Variants in SSH2 observed in about 807,000 individuals in gnomAD.
SSH2 encodes the protein slingshot protein phosphatase 2.
Under a neutral mutation model 135.2 loss-of-function variants are expected in SSH2, and 37 were observed. The observed-to-expected ratio is 0.27, with a 90% CI of 0.21 to 0.36. The LOEUF (loss-of-function observed/expected upper bound fraction) is 0.36, where lower values mean the gene tolerates loss of function less well. Among genes scored for constraint, SSH2 ranks in the 10% least tolerant of loss-of-function variants. SSH2 has a pLI of 1.00. For missense variants in SSH2, 1,408 were observed against 1,765.3 expected, an observed-to-expected ratio of 0.80 and a Z score of 3.63; for synonymous variants, 628 against 646.2, an observed-to-expected ratio of 0.97 and a Z score of 0.43.
rs187920729 is a variant in SSH2 at position 29,715,322 on chromosome 17, T to C, written c.189-12260A>G. Among the ~76,000 whole-genome samples the C allele has an allele frequency of 3.0e-3, 462 of 152,058 alleles. 3 individuals are homozygous for C. The Middle Eastern group carries it at 0.044, about 15-fold the overall frequency. ...GTGCAGTGGCGTGATCTTGGCTCAC[T>C]GCAAGCTCCGCCTTCCAGGTTCATG... is the stretch of plus-strand genomic sequence containing the variant. On this transcript the variant is annotated intron_variant, in intron 3 of 15. Transcript: ENST00000540801.
At chr17:29,830,091 G>C (rs764045974) in intron 2 of SSH2, among the ~76,000 whole-genome samples, 2 of 151,934 alleles carry the variant, frequency 1.3e-5, no homozygotes, top group Non-Finnish European at 2.9e-5. Flanking sequence ...CTTCCGCCTC[G>C]GCCTCCCAAA....
At chr17:29,912,040 C>T (rs1453132112) in intron 1 of SSH2, among the ~76,000 whole-genome samples, 2 of 152,154 alleles carry the variant, frequency 1.3e-5, no homozygotes, top group African/African-American at 4.8e-5. Context: ...GCCATGTAAC[C>T]TAGTTCTGGT....
At chr17:29,786,959 A>G (rs1468998911) in intron 3 of SSH2, among the ~76,000 whole-genome samples, 1 of 152,210 alleles carries the variant, frequency 6.6e-6, no homozygotes, top group Non-Finnish European at 1.5e-5. Flanking sequence ...AGTATGGCAT[A>G]AATACATTGT....
intron 11 of SSH2, 141 bp from the exon 12 acceptor site, chr17:29,655,748 T>A (rs903979906): frequency 2.4e-5 from 16 of 663,962 alleles, no homozygotes; most frequent in Middle Eastern, 3.3e-4. Flanking sequence ...GCACTTCATA[T>A]GTTATCACAT....
At chr17:29,919,146 CTGAG>C (rs1244158139) in intron 1 of SSH2, among the ~76,000 whole-genome samples, 2 of 152,106 alleles carry the variant, frequency 1.3e-5, no homozygotes, top group African/African-American at 2.4e-5. Context: ...TGTAAGCTTC[CTGAG>C]GTTAGAGACT....
At chr17:29,694,194 C>T (rs189613376) in intron 5 of SSH2, among the ~76,000 whole-genome samples, 36 of 152,226 alleles carry the variant, frequency 2.4e-4, no homozygotes, top group African/African-American at 7.7e-4. Flanking sequence ...TGATTGGACA[C>T]CCCTGAGAGG....
chr17:29,644,823 T>C (rs1363179719), intron 14 of SSH2: 1 of 151,836 alleles, frequency 6.6e-6, no homozygotes, highest in Non-Finnish European at 1.5e-5. Context: ...AATAAATAAA[T>C]AAATAAATAA....
Position 29,647,833 on chromosome 17 carries a change from T to C in SSH2, c.1427+311A>G, listed in dbSNP as rs1012380724. On this transcript the variant is annotated intron_variant, in intron 14 of 15. Coordinates refer to ENST00000540801, the MANE Select transcript of SSH2 (RefSeq NM_001282129.2). ...GCCCATCATCATGCCCAGCTAATAT[T>C]TGTATTTTAAGTAGAGACGGGGTTT... 1.4e-5 allele frequency: 4 copies of C among 287,752 alleles called. No individual in the cohort carries two copies. In the Admixed American group the frequency reaches 1.9e-4, roughly 14 times the overall value. 17.8% of individuals were successfully genotyped at this position (287,752 alleles called of 1,614,324 possible). A position where few individuals can be genotyped will look rare whatever the true frequency, so the allele number is the denominator to read the frequency against.
At chr17:29,829,561 T>A (rs2042804407) in intron 2 of SSH2, among the ~76,000 whole-genome samples, 1 of 152,134 alleles carries the variant, frequency 6.6e-6, no homozygotes, top group African/African-American at 2.4e-5. Context: ...GTATTCACAT[T>A]TCCTTGCCTG....
chr17:29,879,974 C>T (rs1256213759), intron 1 of SSH2, among the ~76,000 whole-genome samples: 2 of 152,050 alleles, frequency 1.3e-5, no homozygotes, highest in Non-Finnish European at 2.9e-5. Flanking sequence ...GCTCATGAGA[C>T]TCAAATAAAA....
chr17:29,906,092 C>T (rs903490068), intron 1 of SSH2, among the ~76,000 whole-genome samples: 1 of 152,180 alleles, frequency 6.6e-6, no homozygotes, highest in African/African-American at 2.4e-5. Flanking sequence ...AGCTCTTCTT[C>T]GTCTTCTTCA....
intron 3 of SSH2, chr17:29,776,638 C>T (rs530202988): frequency 1.3e-5 from 2 of 152,238 alleles, no homozygotes; most frequent in Admixed American, 6.5e-5. Flanking sequence ...TTTGATGGGG[C>T]GAACAGGCAC....
chr17:29,740,542 A>G (rs1192809167), intron 3 of SSH2, among the ~76,000 whole-genome samples: 1 of 151,956 alleles, frequency 6.6e-6, no homozygotes, highest in Non-Finnish European at 1.5e-5. Context: ...AGAAACATGC[A>G]TACTTTTCTC....
rs954774323 is a variant in SSH2, at chr17:29,925,423, T to C, written c.63+4515A>G. 11 of 397,810 alleles carry C rather than the reference T, an allele frequency of 2.8e-5. No homozygotes were observed. In the South Asian group the frequency reaches 5.1e-4, roughly 19 times the overall value. 24.6% of individuals were successfully genotyped at this position (397,810 alleles called of 1,614,324 possible). On this transcript the variant is annotated intron_variant, in intron 1 of 15. Coordinates refer to ENST00000540801, the MANE Select transcript of SSH2 (RefSeq NM_001282129.2). ...CAGTCAATAATAATATATTGTAGAC[T>C]TGAAAATTGTAGCCGGTCACAGTGG...
At chr17:29,690,012 CA>C (rs946244880) in intron 5 of SSH2, among the ~76,000 whole-genome samples, 1,029 of 31,394 alleles carry the variant, frequency 0.033, 1 homozygote, top group African/African-American at 0.1. Flanking sequence ...AGATCCATCT[CA>C]AAAAAAAAAA....
intron 1 of SSH2, among the ~76,000 whole-genome samples, chr17:29,906,452 G>T (rs1317045089): frequency 6.6e-6 from 1 of 152,116 alleles, no homozygotes; most frequent in Non-Finnish European, 1.5e-5. Flanking sequence ...TATAGGCATG[G>T]ACAAAGATTT....
chr17:29,666,454 G>A (rs532615632), intron 11 of SSH2, among the ~76,000 whole-genome samples: 4 of 152,166 alleles, frequency 2.6e-5, no homozygotes, highest in South Asian at 4.1e-4. Flanking sequence ...AGGCCAAGGC[G>A]GGCAGATCAC....
intron 3 of SSH2, among the ~76,000 whole-genome samples, chr17:29,775,113 G>C (rs2041669636): frequency 6.6e-6 from 1 of 152,238 alleles, no homozygotes; most frequent in South Asian, 2.1e-4. Context: ...AACTTCCCTA[G>C]TTTCAATTTA....
chr17:29,852,945 C>T (rs141174695), intron 1 of SSH2, among the ~76,000 whole-genome samples: 28 of 151,770 alleles, frequency 1.8e-4, no homozygotes, highest in East Asian at 9.7e-4. Context: ...ATTGCAAGGA[C>T]GAATTAATAT....
Sources: allele counts gnomAD v4.1 joint callset (sites outside exome capture counted in the v4.1 genomes callset), GRCh38; gene constraint gnomAD v4.1.1; transcripts MANE v1.5; gene names NCBI Gene and HGNC (gene_info 2026-07-23, HGNC 2026-07-21).